PDE1A: variants seen among roughly 807,000 people sequenced by gnomAD.
The protein encoded by PDE1A is phosphodiesterase 1A.
Under a neutral mutation model 61.7 loss-of-function variants are expected in PDE1A, and 35 were observed. The ratio of observed to expected loss-of-function variants is 0.57; its 90% CI spans 0.43 to 0.75. The LOEUF (loss-of-function observed/expected upper bound fraction) is 0.75, where lower values mean the gene tolerates loss of function less well. Ranked by LOEUF, PDE1A falls within the 30% of genes least tolerant of loss-of-function variation. PDE1A has a pLI of 0.00. For missense variants in PDE1A, 597 were observed against 630.6 expected, an observed-to-expected ratio of 0.95 and a Z score of 0.57; for synonymous variants, 232 against 213.2, an observed-to-expected ratio of 1.09 and a Z score of -0.77.
chr2:182,369,001 G>A (rs143691810), intron 1 of PDE1A, among the ~76,000 whole-genome samples: 1,900 of 151,444 alleles, frequency 0.013, 24 homozygotes, highest in South Asian at 0.048. Context: ...TAGTTGTAGG[G>A]AGTTAGACTC....
At chr2:182,658,055 A>AC in the PDE1A span, among the ~76,000 whole-genome samples, 1 of 100,182 alleles carries the variant, frequency 1.0e-5, no homozygotes, top group Non-Finnish European at 2.3e-5. Flanking sequence ...AGTAAAAAAA[A>AC]AAAAAAAAAA....
At chr2:182,703,995 G>C in the PDE1A span, among the ~76,000 whole-genome samples, 1 of 151,384 alleles carries the variant, frequency 6.6e-6, no homozygotes, top group African/African-American at 2.4e-5. Flanking sequence ...TAGGTTAGGA[G>C]TTCGAGACAA....
intron 1 of PDE1A, among the ~76,000 whole-genome samples, chr2:182,409,201 G>A (rs901457373): frequency 3.3e-5 from 5 of 151,844 alleles, no homozygotes; most frequent in African/African-American, 9.7e-5. Flanking sequence ...TTTCCACGTC[G>A]ATTAGCACCT....
chr2:182,623,642 G>A, the PDE1A span, among the ~76,000 whole-genome samples: 1 of 152,164 alleles, frequency 6.6e-6, no homozygotes, highest in Middle Eastern at 3.2e-3. Context: ...CCTTAGGAGT[G>A]GAGGGCAGGT....
chr2:182,475,929 T>C (rs1211953134), intron 2 of PDE1A, among the ~76,000 whole-genome samples: 1 of 151,780 alleles, frequency 6.6e-6, no homozygotes, highest in African/African-American at 2.4e-5. Flanking sequence ...ACAGAAAAAG[T>C]TTTGAGGAGG....
upstream of PDE1A, among the ~76,000 whole-genome samples, chr2:182,523,883 T>C (rs1690704512): frequency 6.6e-6 from 1 of 152,156 alleles, no homozygotes; most frequent in Non-Finnish European, 1.5e-5. Flanking sequence ...TGATGCTATC[T>C]AGTAGTCAGT....
rs1379525047 is a variant in PDE1A, at chr2:182,412,366, C to A, written c.53+14212G>T. ...ATTCATTCAATATCTGACTCTAGAG[C>A]ATAGTTGCTGAAATCAAGTGGACCT... On this transcript the variant is annotated intron_variant, in intron 1 of 13. Transcript: ENST00000351439. Among the ~76,000 whole-genome samples, 5 of 152,282 alleles carry A rather than the reference C, an allele frequency of 3.3e-5. No individual in the cohort carries two copies. The East Asian group carries it at 9.7e-4, about 29-fold the overall frequency.
chr2:182,328,037 T>G (rs1271356421), intron 1 of PDE1A, among the ~76,000 whole-genome samples: 1 of 152,146 alleles, frequency 6.6e-6, no homozygotes, highest in Admixed American at 6.6e-5. Context: ...CGAATATAGG[T>G]GCTGTTAGGG....
intron 2 of PDE1A, among the ~76,000 whole-genome samples, chr2:182,513,079 CA>C (rs1689909916): frequency 6.6e-6 from 1 of 152,072 alleles, no homozygotes; most frequent in Non-Finnish European, 1.5e-5. Flanking sequence ...GGTTGACATT[CA>C]AATTCAGGAA....
At chr2:182,192,808 C>A (rs1685813001) in intron 10 of PDE1A, among the ~76,000 whole-genome samples, 1 of 152,082 alleles carries the variant, frequency 6.6e-6, no homozygotes, top group Non-Finnish European at 1.5e-5. Flanking sequence ...CAGGTTTCTT[C>A]TCTGAAAGTC....
the PDE1A span, among the ~76,000 whole-genome samples, chr2:182,564,882 G>A: frequency 5.9e-5 from 9 of 151,984 alleles, no homozygotes; most frequent in East Asian, 1.9e-4. Context: ...CGTAGTTCTC[G>A]AGCCTTGGCT....
intron 2 of PDE1A, among the ~76,000 whole-genome samples, chr2:182,462,763 AT>A (rs1462058337): frequency 6.6e-6 from 1 of 152,118 alleles, no homozygotes; most frequent in Non-Finnish European, 1.5e-5. Context: ...TTCCCTACTG[AT>A]TTTTTAAAAA....
intron 3 of PDE1A, among the ~76,000 whole-genome samples, chr2:182,237,646 A>C (rs77206014): frequency 6.6e-6 from 1 of 152,158 alleles, no homozygotes; most frequent in Non-Finnish European, 1.5e-5. Flanking sequence ...ATATGATTAC[A>C]AACAGGGATA....
At chr2:182,379,380 T>G (rs887173555) in intron 1 of PDE1A, among the ~76,000 whole-genome samples, 1 of 152,222 alleles carries the variant, frequency 6.6e-6, no homozygotes, top group African/African-American at 2.4e-5. Context: ...TGAAACTGTG[T>G]GAATATCAAG....
At chr2:182,516,302 A>T in intron 2 of PDE1A, among the ~76,000 whole-genome samples, 1 of 151,980 alleles carries the variant, frequency 6.6e-6, no homozygotes, top group South Asian at 2.1e-4. Flanking sequence ...CAGACGAGTT[A>T]AGTCCTTGTC....
chr2:182,441,779 AC>A (rs1684812286), intron 2 of PDE1A, among the ~76,000 whole-genome samples: 1 of 152,110 alleles, frequency 6.6e-6, no homozygotes, highest in African/African-American at 2.4e-5. Flanking sequence ...AAAAGAACAT[AC>A]AAATGAGCTT....
chr2:182,694,632 A>T, the PDE1A span, among the ~76,000 whole-genome samples: 1 of 152,196 alleles, frequency 6.6e-6, no homozygotes, highest in African/African-American at 2.4e-5. Flanking sequence ...TGTTAGAACA[A>T]ATGTTTACAG....
intron 1 of PDE1A, among the ~76,000 whole-genome samples, chr2:182,380,136 A>G (rs761125031): frequency 8.8e-4 from 100 of 114,100 alleles, no homozygotes; most frequent in Non-Finnish European, 1.3e-3. Context: ...TTTGAGACAG[A>G]GTCTTGCTCT....
At chr2:182,172,972 C>G (rs1692377614) in intron 13 of PDE1A, among the ~76,000 whole-genome samples, 1 of 151,888 alleles carries the variant, frequency 6.6e-6, no homozygotes, top group Admixed American at 6.6e-5. Flanking sequence ...CAGTATGAAC[C>G]AAGATCTAGA....
Sources: gnomAD v4.1 joint callset for allele counts (sites outside exome capture counted in the v4.1 genomes callset) on GRCh38, gnomAD v4.1.1 for gene constraint, MANE v1.5 for transcripts, NCBI Gene and HGNC (gene_info 2026-07-23, HGNC 2026-07-21) for gene names.